CTTNBP2: variants seen among roughly 807,000 people sequenced by gnomAD.
CTTNBP2 encodes cortactin binding protein 2.
A neutral mutation model predicts 156.9 loss-of-function variants in CTTNBP2; 108 were observed. That is an observed-to-expected ratio of 0.69 (90% CI 0.59 to 0.81). The LOEUF (loss-of-function observed/expected upper bound fraction) is 0.81, where lower values mean the gene tolerates loss of function less well. Among genes scored for constraint, CTTNBP2 ranks in the 30% least tolerant of loss-of-function variants. The probability of loss-of-function intolerance (pLI) is 0.00; values close to 1 mark genes in which losing one functional copy is unlikely to be tolerated. For synonymous variants in CTTNBP2, 767 were observed against 751.8 expected, an observed-to-expected ratio of 1.02 and a Z score of -0.33; for missense variants, 1,924 against 2,035.4, an observed-to-expected ratio of 0.95 and a Z score of 1.05.
chr7:117,830,535 G>C (rs768453522), intron 2 of CTTNBP2, among the ~76,000 whole-genome samples: 1 of 152,144 alleles, frequency 6.6e-6, no homozygotes, highest in Non-Finnish European at 1.5e-5. Context: ...AGAGTGTCAT[G>C]AACACTCAAA....
chr7:117,764,964 C>T (rs1317305983), intron 9 of CTTNBP2, among the ~76,000 whole-genome samples: 1 of 152,082 alleles, frequency 6.6e-6, no homozygotes, highest in African/African-American at 2.4e-5. Flanking sequence ...GAGATAGAGT[C>T]TCACTCTGTC....
At chr7:117,825,335 T>C (rs1004147377) in intron 2 of CTTNBP2, among the ~76,000 whole-genome samples, 15 of 152,334 alleles carry the variant, frequency 9.8e-5, no homozygotes, top group African/African-American at 3.6e-4. Context: ...GTTGCTTCTG[T>C]CTGAGTCATG....
chr7:117,802,546 C>G (rs531140863), intron 3 of CTTNBP2, among the ~76,000 whole-genome samples: 7 of 151,250 alleles, frequency 4.6e-5, no homozygotes, highest in African/African-American at 1.5e-4. Flanking sequence ...TTAAATGGGA[C>G]CTAATTAAAC....
At chr7:117,717,028 T>G (rs1041224153) in intron 22 of CTTNBP2, among the ~76,000 whole-genome samples, 1 of 152,036 alleles carries the variant, frequency 6.6e-6, no homozygotes, top group Non-Finnish European at 1.5e-5. Context: ...ATCAACATGG[T>G]TTGGTGAACA....
chr7:117,812,149 C>T (rs1045993247), intron 2 of CTTNBP2, among the ~76,000 whole-genome samples: 4 of 151,836 alleles, frequency 2.6e-5, no homozygotes, highest in African/African-American at 9.7e-5. Flanking sequence ...TTCACACCCA[C>T]GCAATGAGGA....
At chr7:117,730,496 C>T (rs1386525550) in intron 16 of CTTNBP2, among the ~76,000 whole-genome samples, 1 of 152,142 alleles carries the variant, frequency 6.6e-6, no homozygotes, top group African/African-American at 2.4e-5. Flanking sequence ...AGCCCTGCCA[C>T]TCAAGAAGAG....
chr7:117,762,535 T>C (rs574956783), intron 9 of CTTNBP2, among the ~76,000 whole-genome samples: 4 of 152,310 alleles, frequency 2.6e-5, no homozygotes, highest in South Asian at 2.1e-4. Flanking sequence ...GTCCTTCTCA[T>C]TACCTCATCT....
rs777951191 is a variant in CTTNBP2, at chr7:117,718,108, G to A, written c.4656C>T (p.Ser1552=). The A allele has an allele frequency of 2.5e-6, 4 of 1,609,898 alleles. No individual in the cohort carries two copies. Among genetic ancestry groups the A allele is most frequent in the East Asian group, 4.5e-5 (2 of 44,812 alleles). Reference sequence around the variant, plus strand: ...TATCAAACATCCTTAAATCATCCCTGGAATCAGCAATCTAGAAAATACAGA... The same window carrying A: ...TATCAAACATCCTTAAATCATCCCTAGAATCAGCAATCTAGAAAATACAGA... The part of the protein sequence containing the change: ...SESDISKIAD[S]RDDLRMFDSS... Residue 1552 remains serine (S), a synonymous_variant, in exon 22 of 23, where the codon TCC becomes TCT. Coordinates refer to ENST00000160373, the MANE Select transcript of CTTNBP2 (RefSeq NM_033427.3).
At position 117,861,257 on chromosome 7, in the gene CTTNBP2, C is replaced by T. The variant is rs1294237302; in HGVS notation, c.141G>A (p.Val47=). 5.0e-6 allele frequency: 8 copies of T among 1,613,898 alleles called. No homozygotes were observed. Among genetic ancestry groups the T allele is most frequent in the Non-Finnish European group, 6.8e-6 (8 of 1,179,918 alleles). ...CTCTGGCCTCCAGCTCCCCTTCCATCACGCTGAGGAGCATCCGCAGCTCGG... is the reference window on the plus strand; with the variant it reads ...CTCTGGCCTCCAGCTCCCCTTCCATTACGCTGAGGAGCATCCGCAGCTCGG... ...SKSELRMLLS[V]MEGELEARDL... Residue 47 remains valine (V), a synonymous_variant, in exon 2 of 23, where the codon GTG becomes GTA. Transcript: ENST00000160373.
chr7:117,725,211 C>T lies in CTTNBP2; in HGVS notation c.4102G>A (p.Glu1368Lys). ...WNGVIAPRVQ[E>K]AILSRASVKR... ...ACAGAGGCTCTTGACAATATTGCTT[C>T]TTGAACTCTGGGTGCGATGACGCCA... is the stretch of plus-strand genomic sequence containing the variant. Residue 1368 changes from glutamate (E) to lysine (K), a missense_variant, in exon 18 of 23, where the codon GAA becomes AAA. Transcript: ENST00000160373. 6.2e-7 allele frequency: 1 copy of T among 1,614,146 alleles called. No individual in the cohort carries two copies. Among genetic ancestry groups the T allele is most frequent in the Non-Finnish European group, 8.5e-7 (1 of 1,180,026 alleles).
chr7:117,773,043 T>A (rs942621955), intron 8 of CTTNBP2, among the ~76,000 whole-genome samples: 1 of 152,214 alleles, frequency 6.6e-6, no homozygotes, highest in Admixed American at 6.5e-5. Flanking sequence ...GAAATAATCA[T>A]AGATAATCAA....
chr7:117,842,325 T>A (rs765423556), intron 2 of CTTNBP2, among the ~76,000 whole-genome samples: 48 of 152,112 alleles, frequency 3.2e-4, no homozygotes, highest in Non-Finnish European at 4.3e-4. Flanking sequence ...CTCAGCCACC[T>A]GAATAGCTGG....
rs776346934 is a variant in CTTNBP2 at position 117,734,931 on chromosome 7, T to C, written c.3858A>G (p.Arg1286=). The change falls in exon 16 of 23, where the codon CGA becomes CGG. Residue 1286 remains arginine (R), a synonymous_variant. Transcript: ENST00000160373. ...TTGTTACCTTATTCACAACTTTCCTTCGTAAGAACCTCTGCAGCAGTCCTT... is the reference window on the plus strand; with the variant it reads ...TTGTTACCTTATTCACAACTTTCCTCCGTAAGAACCTCTGCAGCAGTCCTT... The part of the protein sequence containing the change: ...PMQGLLQRFL[R]RKVVNKFKGQ... 18 of 1,594,708 alleles carry C rather than the reference T, an allele frequency of 1.1e-5. No homozygotes were observed. In the East Asian group the frequency reaches 3.8e-4, roughly 34 times the overall value.
At chr7:117,713,946 AAG>A (rs1430656433) in intron 22 of CTTNBP2, 2 of 152,218 alleles carry the variant, frequency 1.3e-5, no homozygotes, top group Non-Finnish European at 2.9e-5. Flanking sequence ...AGGGAAAGGA[AAG>A]AGAAGTCTAG....
chr7:117,732,049 G>A (rs1221845490), intron 16 of CTTNBP2, among the ~76,000 whole-genome samples: 5 of 152,070 alleles, frequency 3.3e-5, no homozygotes, highest in Admixed American at 6.6e-5. Flanking sequence ...GGTAAGTGAC[G>A]AGATGCTGTA....
At chr7:117,750,388 C>T (rs1409844888) in intron 12 of CTTNBP2, among the ~76,000 whole-genome samples, 1 of 152,022 alleles carries the variant, frequency 6.6e-6, no homozygotes. Context: ...AGATGTAAGC[C>T]CTTTGCATTT....
At chr7:117,860,468 G>A (rs1388139674) in intron 2 of CTTNBP2, among the ~76,000 whole-genome samples, 2 of 151,576 alleles carry the variant, frequency 1.3e-5, no homozygotes, top group African/African-American at 4.9e-5. Context: ...TCAGCCTCCC[G>A]AATAGCTGGG....
intron 16 of CTTNBP2, among the ~76,000 whole-genome samples, chr7:117,734,127 G>A (rs1795553380): frequency 6.6e-6 from 1 of 152,192 alleles, no homozygotes; most frequent in African/African-American, 2.4e-5. Flanking sequence ...CTGGACCTGG[G>A]ACCTGAGACG....
rs374664598 is a variant in CTTNBP2, at chr7:117,760,605, C to A, written c.3002G>T (p.Arg1001Leu). 2.5e-6 allele frequency: 4 copies of A among 1,613,864 alleles called. No homozygotes were observed. Among genetic ancestry groups the A allele is most frequent in the African/African-American group, 1.3e-5 (1 of 74,880 alleles). Reference protein sequence around the residue: ...CENTICALNIRKQTSWDDFSK... With the variant: ...CENTICALNILKQTSWDDFSK... ...AAAATCATCCCATGATGTCTGTTTGCGGATATTTAAAGCACATATTGTGTT... is the reference window on the plus strand; with the variant it reads ...AAAATCATCCCATGATGTCTGTTTGAGGATATTTAAAGCACATATTGTGTT... The change falls in exon 10 of 23, where the codon CGC becomes CTC. Residue 1001 changes from arginine (R) to leucine (L), a missense_variant. Transcript: ENST00000160373.
Sources: allele counts gnomAD v4.1 joint callset (sites outside exome capture counted in the v4.1 genomes callset), GRCh38; gene constraint gnomAD v4.1.1; transcripts MANE v1.5; gene names NCBI Gene and HGNC (gene_info 2026-07-23, HGNC 2026-07-21).